SYT1: variants seen among roughly 807,000 people sequenced by gnomAD.
SYT1 encodes the protein synaptotagmin 1, also known as synaptotagmin-1.
Under a neutral mutation model 44.8 loss-of-function variants are expected in SYT1, and 8 were observed. The ratio of observed to expected loss-of-function variants is 0.18; its 90% CI spans 0.10 to 0.32. SYT1 has a LOEUF of 0.32. SYT1 is among the 10% of genes least tolerant of loss of function. SYT1 has a pLI of 1.00. For synonymous variants in SYT1, 154 were observed against 188.8 expected, an observed-to-expected ratio of 0.82 and a Z score of 1.51; for missense variants, 286 against 509.3, an observed-to-expected ratio of 0.56 and a Z score of 4.22.
chr12:79,176,767 G>A (rs1205503513), intron 3 of SYT1, among the ~76,000 whole-genome samples: 2 of 151,228 alleles, frequency 1.3e-5, no homozygotes, highest in African/African-American at 2.4e-5. Context: ...TATTTTTTTT[G>A]GAGTAAACTA....
At chr12:79,404,578 C>T (rs972999628) in intron 9 of SYT1, among the ~76,000 whole-genome samples, 2 of 152,094 alleles carry the variant, frequency 1.3e-5, no homozygotes, top group Non-Finnish European at 2.9e-5. Flanking sequence ...CAGCTTCATC[C>T]GAGCATATAT....
At chr12:78,945,937 G>A (rs1878634260) in intron 1 of SYT1, among the ~76,000 whole-genome samples, 1 of 152,068 alleles carries the variant, frequency 6.6e-6, no homozygotes, top group African/African-American at 2.4e-5. Flanking sequence ...AATAAAAGAA[G>A]TCTAGTTCAA....
intron 9 of SYT1, among the ~76,000 whole-genome samples, chr12:79,355,915 T>C (rs937673728): frequency 1.3e-5 from 2 of 152,008 alleles, no homozygotes; most frequent in African/African-American, 4.8e-5. Flanking sequence ...TGCATTCTAA[T>C]GTAGGGAAAC....
chr12:78,886,980 T>C (rs1856416214), intron 1 of SYT1, among the ~76,000 whole-genome samples: 1 of 152,006 alleles, frequency 6.6e-6, no homozygotes, highest in African/African-American at 2.4e-5. Flanking sequence ...AATATTTTTC[T>C]TTGAGATTAA....
At chr12:79,073,910 AAAT>A (rs1485622154) in intron 3 of SYT1, among the ~76,000 whole-genome samples, 14 of 152,272 alleles carry the variant, frequency 9.2e-5, no homozygotes, top group Admixed American at 9.2e-4. Flanking sequence ...CTGCAAGAAA[AAAT>A]AATGAGCAAC....
chr12:79,101,007 C>T (rs897270876), intron 3 of SYT1, among the ~76,000 whole-genome samples: 1 of 151,974 alleles, frequency 6.6e-6, no homozygotes, highest in Non-Finnish European at 1.5e-5. Context: ...TTTTGTTCTC[C>T]AATATTATAT....
chr12:79,179,425 T>TAGATATATCCATATAGATATAG (rs1872305147), intron 3 of SYT1, among the ~76,000 whole-genome samples: 1 of 43,860 alleles, frequency 2.3e-5, no homozygotes, highest in African/African-American at 1.3e-4. Context: ...TAGATATATC[T>TAGATATATCCATATAGATATAG]ATATAGATAT....
chr12:79,116,942 G>A (rs186096397), intron 3 of SYT1, among the ~76,000 whole-genome samples: 5 of 152,216 alleles, frequency 3.3e-5, no homozygotes, highest in Non-Finnish European at 7.4e-5. Flanking sequence ...TGAAATCCAC[G>A]AGCAGCTCTC....
chr12:78,977,340 C>T (rs1868919114), intron 1 of SYT1, among the ~76,000 whole-genome samples: 1 of 152,084 alleles, frequency 6.6e-6, no homozygotes, highest in Non-Finnish European at 1.5e-5. Context: ...GTTAGCTTTT[C>T]AATAATTCTG....
At chr12:79,041,009 C>T (rs977770661) in intron 2 of SYT1, among the ~76,000 whole-genome samples, 1 of 152,072 alleles carries the variant, frequency 6.6e-6, no homozygotes, top group Non-Finnish European at 1.5e-5. Flanking sequence ...CAGTACCCTG[C>T]TGTTTTGGTT....
intron 1 of SYT1, among the ~76,000 whole-genome samples, chr12:78,916,143 T>G (rs1181636497): frequency 6.6e-6 from 1 of 152,050 alleles, no homozygotes; most frequent in Non-Finnish European, 1.5e-5. Flanking sequence ...ATCAGTTTTG[T>G]AGCTGTAAAG....
intron 8 of SYT1, among the ~76,000 whole-genome samples, chr12:79,301,707 T>C (rs1322156477): frequency 1.3e-5 from 2 of 152,184 alleles, no homozygotes; most frequent in Non-Finnish European, 2.9e-5. Context: ...TCTATTTTTA[T>C]CTACTTCGCT....
chr12:78,974,200 G>T (rs1207724920), intron 1 of SYT1, among the ~76,000 whole-genome samples: 1 of 150,462 alleles, frequency 6.6e-6, no homozygotes, highest in African/African-American at 2.4e-5. Context: ...TAACACAATG[G>T]TAAGTATTTG....
intron 3 of SYT1, among the ~76,000 whole-genome samples, chr12:79,059,622 C>T (rs185197820): frequency 6.6e-6 from 1 of 152,148 alleles, no homozygotes; most frequent in Non-Finnish European, 1.5e-5. Flanking sequence ...GTAATAACTC[C>T]ATGCACAATG....
chr12:79,243,912 G>A (rs1050517206), intron 4 of SYT1, among the ~76,000 whole-genome samples: 1 of 151,054 alleles, frequency 6.6e-6, no homozygotes, highest in South Asian at 2.1e-4. Context: ...AAGGAAGGAA[G>A]GAAATACAGG....
At chr12:79,086,573 T>C (rs1333356290) in intron 3 of SYT1, among the ~76,000 whole-genome samples, 2 of 152,188 alleles carry the variant, frequency 1.3e-5, no homozygotes, top group African/African-American at 4.8e-5. Context: ...GGATGTGAAA[T>C]GTTCATTAAA....
chr12:79,338,751 G>C (rs1484101911), intron 8 of SYT1, among the ~76,000 whole-genome samples: 2 of 148,842 alleles, frequency 1.3e-5, no homozygotes, highest in Non-Finnish European at 3.0e-5. Context: ...TACATGTGCT[G>C]TGTTGGTTTG....
At chr12:79,281,847 A>G (rs1879068854) in intron 4 of SYT1, among the ~76,000 whole-genome samples, 1 of 152,136 alleles carries the variant, frequency 6.6e-6, no homozygotes, top group South Asian at 2.1e-4. Context: ...AGCCACACAC[A>G]TTTATTATTT....
chr12:79,369,881 G>T (rs1312300691), intron 9 of SYT1, among the ~76,000 whole-genome samples: 2 of 152,278 alleles, frequency 1.3e-5, no homozygotes, highest in East Asian at 1.9e-4. Context: ...CAAACTATGA[G>T]AATTTAGTAT....
Sources: gnomAD v4.1 joint callset for allele counts (sites outside exome capture counted in the v4.1 genomes callset) on GRCh38, gnomAD v4.1.1 for gene constraint, MANE v1.5 for transcripts, NCBI Gene and HGNC (gene_info 2026-07-23, HGNC 2026-07-21) for gene names.